Variants in STRA8 observed in about 807,000 individuals in gnomAD.
The protein encoded by STRA8 is stimulated by retinoic acid gene 8 protein homolog.
In STRA8, 18 loss-of-function variants were observed where a neutral mutation model predicts 37.1. That is an observed-to-expected ratio of 0.48 (90% CI 0.34 to 0.72). The LOEUF is 0.72. STRA8 is among the 30% of genes least tolerant of loss of function. The pLI is 0.01. For missense variants in STRA8, 357 were observed against 410.4 expected, an observed-to-expected ratio of 0.87 and a Z score of 1.13; for synonymous variants, 168 against 162.9, an observed-to-expected ratio of 1.03 and a Z score of -0.24.
chr7:135,236,293 T>C (rs1832377311), intron 1 of STRA8, among the ~76,000 whole-genome samples: 2 of 151,670 alleles, frequency 1.3e-5, no homozygotes, highest in African/African-American at 4.9e-5. Context: ...TGTGTGTGTG[T>C]GTGTGTGTGA....
In STRA8 at chr7:135,240,439, C is replaced by T. The variant is rs1346694720; in HGVS notation, c.-6-80C>T. On this transcript the variant is annotated intron_variant, in intron 1 of 8. Transcript: ENST00000662584. ...GGGAAGGGTACCTCCTTTCTGCCTGCCTCAATTTGCCTTCCTTTTCCTTTA... is the reference window on the plus strand; with the variant it reads ...GGGAAGGGTACCTCCTTTCTGCCTGTCTCAATTTGCCTTCCTTTTCCTTTA... 4 of 1,428,010 alleles carry T rather than the reference C, an allele frequency of 2.8e-6. No individual in the cohort carries two copies. The Admixed American group carries it at 7.9e-5, about 28-fold the overall frequency. 88.5% of individuals were successfully genotyped at this position (1,428,010 alleles called of 1,614,324 possible).
chr7:135,246,256 T>C lies in STRA8; in HGVS notation c.594-161T>C. 1 of 972,664 alleles carries C rather than the reference T, an allele frequency of 1.0e-6. No homozygotes were observed. Among genetic ancestry groups the C allele is most frequent in the Non-Finnish European group, 1.5e-6 (1 of 657,908 alleles). 60.3% of individuals were successfully genotyped at this position (972,664 alleles called of 1,614,324 possible). A position where few individuals can be genotyped will look rare whatever the true frequency, so the allele number is the denominator to read the frequency against. On this transcript the variant is annotated intron_variant, in intron 5 of 8. Transcript: ENST00000662584. The surrounding 1 kb of genome is among the most constrained non-coding windows in gnomAD (Gnocchi z 5.4). ...TCATGGCCCCCAGGAAGGCTGCTGC[T>C]CTCCAAGGGCCAGGGGCGTGCAGAG...
chr7:135,233,684 G>A (rs1213703075), upstream of STRA8, among the ~76,000 whole-genome samples: 4 of 151,780 alleles, frequency 2.6e-5, no homozygotes, highest in African/African-American at 9.7e-5. Flanking sequence ...CGGACAACTT[G>A]TAACACTGTT....
rs902952916 is a variant in STRA8, at chr7:135,246,885, C to G, written c.879+183C>G. ...TTTGAGACGGAGTCTCGCTCTGTCG[C>G]CCAGGCTGGAGTGCAGTGGCGCGAT... On this transcript the variant is annotated intron_variant, in intron 6 of 8. Coordinates refer to ENST00000662584, the MANE Select transcript of STRA8 (RefSeq NM_001394401.1). The surrounding 1 kb of genome is among the most constrained non-coding windows in gnomAD (Gnocchi z 5.4). 4.0e-5 allele frequency: 27 copies of G among 668,398 alleles called. No individual in the cohort carries two copies. Among genetic ancestry groups the G allele is most frequent in the Non-Finnish European group, 5.5e-5 (23 of 421,244 alleles). 41.4% of individuals were successfully genotyped at this position (668,398 alleles called of 1,614,324 possible). A position where few individuals can be genotyped will look rare whatever the true frequency, so the allele number is the denominator to read the frequency against.
At position 135,245,369 on chromosome 7, in the gene STRA8, G is replaced by GGAAGATGAGGAAGAGGAAGATCAAGAA; in HGVS notation, c.441_467dup (p.Asp147_Glu155dup). On this transcript the variant is annotated inframe_insertion, in exon 5 of 9. Coordinates refer to ENST00000662584, the MANE Select transcript of STRA8 (RefSeq NM_001394401.1). ...CAGTCAGGAAGGATGCTGAGGAGGA[G>GGAAGATGAGGAAGAGGAAGATCAAGAA]GAAGATGAGGAAGAGGAAGATCAAG... The GGAAGATGAGGAAGAGGAAGATCAAGAA allele has an allele frequency of 1.3e-6, 1 of 780,278 alleles. No individual in the cohort carries two copies. The highest frequency in any genetic ancestry group is 2.4e-6 in the Non-Finnish European group (1 of 417,768). 48.3% of individuals were successfully genotyped at this position (780,278 alleles called of 1,614,324 possible).
chr7:135,246,576 G>C lies in STRA8; in HGVS notation c.753G>C (p.Gln251His). ...CCAGCCTCCGGCAGGCCTGGGCGCAGAAGCACCGCGGCCCTGCGACCCTGG... is the reference window on the plus strand; with the variant it reads ...CCAGCCTCCGGCAGGCCTGGGCGCACAAGCACCGCGGCCCTGCGACCCTGG... ...RKASLRQAWAQKHRGPATLAE... is the reference protein window; with the variant it reads ...RKASLRQAWAHKHRGPATLAE... Residue 251 changes from glutamine to histidine, a missense_variant, in exon 6 of 9, where the codon CAG becomes CAC. Transcript: ENST00000662584. The surrounding 1 kb of genome is among the most constrained non-coding windows in gnomAD (Gnocchi z 5.4). 4 of 1,548,248 alleles carry C rather than the reference G, an allele frequency of 2.6e-6. No homozygotes were observed. The highest frequency in any genetic ancestry group is 3.5e-6 in the Non-Finnish European group (4 of 1,148,028).
At chr7:135,244,955 T>C (rs1364630758) in intron 4 of STRA8, among the ~76,000 whole-genome samples, 1 of 152,242 alleles carries the variant, frequency 6.6e-6, no homozygotes, top group Non-Finnish European at 1.5e-5. Context: ...TTTTTGGAGA[T>C]ACCCTTTATC....
At chr7:135,240,836 C>T (rs1021052947) in intron 2 of STRA8, 120 bp downstream of exon 2, 95 of 1,065,812 alleles carry the variant, frequency 8.9e-5, no homozygotes, top group Non-Finnish European at 9.5e-5. Context: ...GCTGGGGTAG[C>T]GACAAATGCC....
chr7:135,247,861 A>T (rs1449809355), intron 6 of STRA8, among the ~76,000 whole-genome samples: 1 of 152,242 alleles, frequency 6.6e-6, no homozygotes, highest in Non-Finnish European at 1.5e-5. Context: ...CTGCTCTTCC[A>T]GTATGAGGAC....
intron 8 of STRA8, among the ~76,000 whole-genome samples, chr7:135,257,374 G>C (rs1279544614): frequency 6.6e-6 from 1 of 152,212 alleles, no homozygotes; most frequent in East Asian, 1.9e-4. Context: ...AGAGTCCTGA[G>C]GTGTTGGCTG....
intron 3 of STRA8, 96 bp downstream of exon 3, chr7:135,242,952 C>T: frequency 3.0e-6 from 4 of 1,333,050 alleles, no homozygotes; most frequent in African/African-American, 1.4e-5. Flanking sequence ...AATGAATCAA[C>T]AAATATTTAT....
intron 6 of STRA8, among the ~76,000 whole-genome samples, chr7:135,247,559 C>T (rs1012236458): frequency 6.6e-6 from 1 of 152,208 alleles, no homozygotes; most frequent in Non-Finnish European, 1.5e-5. Context: ...CGGAACCGCT[C>T]CTCCCCTCTC....
chr7:135,248,402 T>C (rs974030022), intron 6 of STRA8, among the ~76,000 whole-genome samples: 1 of 152,134 alleles, frequency 6.6e-6, no homozygotes, highest in African/African-American at 2.4e-5. Context: ...TGTGGAGTTT[T>C]TTTTTAAAGT....
intron 1 of STRA8, among the ~76,000 whole-genome samples, chr7:135,239,832 C>T (rs976764743): frequency 6.6e-6 from 1 of 152,172 alleles, no homozygotes; most frequent in African/African-American, 2.4e-5. Context: ...AGTTCTCTGT[C>T]GTCAGGTGAC....
chr7:135,240,501 C>A lies in STRA8; in HGVS notation c.-6-18C>A. The A allele has an allele frequency of 6.4e-7, 1 of 1,572,318 alleles. No individual in the cohort carries two copies. Among genetic ancestry groups the A allele is most frequent in the African/African-American group, 1.4e-5 (1 of 72,872 alleles). On this transcript the variant is annotated intron_variant, in intron 1 of 8. Transcript: ENST00000662584. ...TTATTATCTAGGGCAAAAAAAAAAG[C>A]ATACTATTACATTACAGCTTATAAT...
At chr7:135,238,096 G>C (rs1832405495) in intron 1 of STRA8, among the ~76,000 whole-genome samples, 1 of 152,162 alleles carries the variant, frequency 6.6e-6, no homozygotes, top group Non-Finnish European at 1.5e-5. Flanking sequence ...AATCGCTCAA[G>C]GTCTAATTAA....
chr7:135,234,078 G>GGATGAT (rs138996477), intron 1 of STRA8, among the ~76,000 whole-genome samples, 175 bp downstream of exon 1: 2 of 150,716 alleles, frequency 1.3e-5, no homozygotes, highest in African/African-American at 4.9e-5. Flanking sequence ...GAGTGATTCT[G>GGATGAT]GATGATGATG....
Position 135,253,213 on chromosome 7 carries a change from C to T in STRA8, c.953+1344C>T, listed in dbSNP as rs1222008223. Among the ~76,000 whole-genome samples, 12 of 152,328 alleles carry T rather than the reference C, an allele frequency of 7.9e-5. No homozygotes were observed. In the South Asian group the frequency reaches 1.4e-3, roughly 18 times the overall value. The stretch of plus-strand genomic sequence containing the variant: ...GCTCCCAAAATGCTAGGATTACAGG[C>T]GTGAGCCACAGCGCCTGGCTCTGGG... On this transcript the variant is annotated intron_variant, in intron 7 of 8. Transcript: ENST00000662584.
At chr7:135,251,890 T>C (rs577077850) in intron 7 of STRA8, 21 bp downstream of exon 7, 26 of 1,611,664 alleles carry the variant, frequency 1.6e-5, no homozygotes, top group Middle Eastern at 1.7e-4. Flanking sequence ...GGGTGTGAGA[T>C]AGCATGTGCC....
Sources: allele counts gnomAD v4.1 joint callset (sites outside exome capture counted in the v4.1 genomes callset), GRCh38; gene constraint gnomAD v4.1.1; non-coding constraint Gnocchi (gnomAD v3.1); transcripts MANE v1.5; gene names NCBI Gene and HGNC (gene_info 2026-07-23, HGNC 2026-07-21).